The following DNAAF11 variants were observed in gnomAD, a reference collection of about 807,000 sequenced individuals.
DNAAF11 encodes leucine rich repeat containing 6.
A neutral mutation model predicts 60.8 loss-of-function variants in DNAAF11; 45 were observed. That is an observed-to-expected ratio of 0.74 (90% CI 0.58 to 0.95). The LOEUF (loss-of-function observed/expected upper bound fraction) is 0.95, where lower values mean the gene tolerates loss of function less well. Ranked by LOEUF, DNAAF11 falls within the 40% of genes least tolerant of loss-of-function variation. The probability of loss-of-function intolerance (pLI) is 0.00; values close to 1 mark genes in which losing one functional copy is unlikely to be tolerated. For missense variants in DNAAF11, 546 were observed against 546.2 expected, an observed-to-expected ratio of 1.00 and a Z score of 0.00; for synonymous variants, 191 against 183.5, an observed-to-expected ratio of 1.04 and a Z score of -0.33.
Position 132,585,648 on chromosome 8 carries a change from A to G in DNAAF11, c.1141-1869T>C, listed in dbSNP as rs188542541. On this transcript the variant is annotated intron_variant, in intron 10 of 11. Transcript: ENST00000620350. ...TCTGCACTACAAAACTCATAGAAGT[A>G]TGCTATGGAAGAATTGGCAACTAAA... 1.1e-3 allele frequency among the ~76,000 whole-genome samples: 160 copies of G among 152,362 alleles called. 1 individual carries two copies. The Middle Eastern group carries it at 0.02, about 19-fold the overall frequency.
chr8:132,687,546 G>A, the DNAAF11 span: 1,378 of 453,946 alleles, frequency 3.0e-3, 10 homozygotes, highest in Non-Finnish European at 3.2e-3. Flanking sequence ...AACAGGTTCC[G>A]TCATCAGAAG....
At chr8:132,661,322 C>T in intron 2 of DNAAF11, 138 bp downstream of exon 2, 3 of 702,414 alleles carry the variant, frequency 4.3e-6, no homozygotes, top group Non-Finnish European at 7.0e-6. Context: ...CCCCACACAA[C>T]CACTGAGAGA....
the DNAAF11 span, among the ~76,000 whole-genome samples, chr8:132,690,816 G>T: frequency 6.6e-6 from 1 of 152,184 alleles, no homozygotes; most frequent in Non-Finnish European, 1.5e-5. Flanking sequence ...GGGATTGACT[G>T]CTGTGTTTCT....
chr8:132,592,760 T>C (rs971866954), intron 10 of DNAAF11, among the ~76,000 whole-genome samples: 10 of 151,996 alleles, frequency 6.6e-5, no homozygotes, highest in Admixed American at 6.6e-4. Context: ...ACAAAGACAG[T>C]GGCAATAAAG....
chr8:132,593,067 A>G (rs1586509909), intron 10 of DNAAF11, among the ~76,000 whole-genome samples: 1 of 152,052 alleles, frequency 6.6e-6, no homozygotes, highest in East Asian at 1.9e-4. Flanking sequence ...GTGAACATTT[A>G]AGGAATGAGC....
At chr8:132,584,859 C>T (rs1280625424) in intron 10 of DNAAF11, among the ~76,000 whole-genome samples, 1 of 152,146 alleles carries the variant, frequency 6.6e-6, no homozygotes, top group Non-Finnish European at 1.5e-5. Context: ...AAGGGTCTAT[C>T]ATCATCTGCC....
chr8:132,603,161 T>C lies in DNAAF11; in HGVS notation c.1140+7005A>G, dbSNP rs1817798330. On this transcript the variant is annotated intron_variant, in intron 10 of 11. Transcript: ENST00000620350. The stretch of plus-strand genomic sequence containing the variant: ...TTGGTAGGTACTGGTACTATTAAGA[T>C]GTTTTTAAAATATGTAGTCCATCTT... 2.0e-5 allele frequency among the ~76,000 whole-genome samples: 3 copies of C among 152,290 alleles called. No individual in the cohort carries two copies. In the South Asian group the frequency reaches 6.2e-4, roughly 32 times the overall value.
At chr8:132,656,018 T>C (rs1474486100) in intron 3 of DNAAF11, among the ~76,000 whole-genome samples, 2 of 152,192 alleles carry the variant, frequency 1.3e-5, no homozygotes, top group South Asian at 2.1e-4. Context: ...TAGAAAAAAC[T>C]GTGCACATGT....
intron 1 of DNAAF11, among the ~76,000 whole-genome samples, chr8:132,673,654 T>C (rs1825404372): frequency 6.6e-6 from 1 of 152,118 alleles, no homozygotes; most frequent in Non-Finnish European, 1.5e-5. Flanking sequence ...CCCTGCTCTT[T>C]CTCACCTCTG....
upstream of DNAAF11, among the ~76,000 whole-genome samples, chr8:132,680,176 T>C (rs1210705246): frequency 6.6e-6 from 1 of 152,236 alleles, no homozygotes; most frequent in Non-Finnish European, 1.5e-5. Context: ...GTGACAGCTC[T>C]AAGTAAAGTC....
the DNAAF11 span, among the ~76,000 whole-genome samples, chr8:132,693,728 A>T: frequency 1.3e-5 from 2 of 152,112 alleles, no homozygotes; most frequent in Non-Finnish European, 1.5e-5. Context: ...GGAGAAGGTG[A>T]CATTTGAGAA....
intron 1 of DNAAF11, among the ~76,000 whole-genome samples, chr8:132,663,851 G>A (rs1824365613): frequency 6.6e-6 from 1 of 152,250 alleles, no homozygotes; most frequent in Non-Finnish European, 1.5e-5. Flanking sequence ...CAACGCCTAA[G>A]GGATGTCCAA....
rs1814261307 is a variant in DNAAF11 at position 132,572,219 on chromosome 8, T to C, written c.*87A>G. ...CGATATTGACAAATAACTCTGTGTT[T>C]ATCCCAGGAATAATATGCATATGGT... On this transcript the variant is annotated 3_prime_UTR_variant, in exon 12 of 12. Coordinates refer to ENST00000620350, the MANE Select transcript of DNAAF11 (RefSeq NM_012472.6). 1.8e-6 allele frequency: 2 copies of C among 1,081,160 alleles called. No individual in the cohort carries two copies. Among genetic ancestry groups the C allele is most frequent in the African/African-American group, 3.2e-5 (2 of 62,772 alleles). 67.0% of individuals were successfully genotyped at this position (1,081,160 alleles called of 1,614,324 possible). A position where few individuals can be genotyped will look rare whatever the true frequency, so the allele number is the denominator to read the frequency against.
At chr8:132,615,753 T>C (rs7837359) in intron 7 of DNAAF11, among the ~76,000 whole-genome samples, 74,904 of 152,022 alleles carry the variant, frequency 0.49, 21,099 homozygotes, top group African/African-American at 0.78. Flanking sequence ...TACCCCGAGG[T>C]TGAGTCCTAG....
chr8:132,596,805 T>C (rs1817059397), intron 10 of DNAAF11, among the ~76,000 whole-genome samples: 1 of 152,184 alleles, frequency 6.6e-6, no homozygotes, highest in African/African-American at 2.4e-5. Flanking sequence ...TGTTGCCCCC[T>C]GTAAGGATCC....
At chr8:132,701,773 C>A in the DNAAF11 span, among the ~76,000 whole-genome samples, 1 of 152,146 alleles carries the variant, frequency 6.6e-6, no homozygotes, top group Non-Finnish European at 1.5e-5. Flanking sequence ...GATGGCACTT[C>A]CCTTACAATA....
intron 10 of DNAAF11, among the ~76,000 whole-genome samples, chr8:132,584,375 T>C (rs976138021): frequency 6.6e-6 from 1 of 150,974 alleles, no homozygotes; most frequent in Non-Finnish European, 1.5e-5. Flanking sequence ...GCAAAAATTA[T>C]TGAGACCCAG....
intron 10 of DNAAF11, among the ~76,000 whole-genome samples, chr8:132,609,745 T>C (rs1235397477): frequency 2.0e-5 from 3 of 152,160 alleles, no homozygotes; most frequent in East Asian, 1.9e-4. Context: ...CCTGACCCAA[T>C]GTTCTTCGAC....
At chr8:132,603,910 A>G (rs576745405) in intron 10 of DNAAF11, among the ~76,000 whole-genome samples, 9 of 152,270 alleles carry the variant, frequency 5.9e-5, no homozygotes, top group African/African-American at 2.2e-4. Flanking sequence ...GATCCAATAC[A>G]CATCTAGAGG....
Sources: gnomAD v4.1 joint callset for allele counts (sites outside exome capture counted in the v4.1 genomes callset) on GRCh38, gnomAD v4.1.1 for gene constraint, MANE v1.5 for transcripts, NCBI Gene and HGNC (gene_info 2026-07-23, HGNC 2026-07-21) for gene names.